The following FAM227B variants were observed in gnomAD, a reference collection of about 807,000 sequenced individuals.
FAM227B encodes the protein protein FAM227B.
FAM227B carries 88 observed loss-of-function variants against 73.8 expected under a neutral mutation model. The observed-to-expected ratio is 1.19, with a 90% CI of 1.00 to 1.42. FAM227B has a LOEUF of 1.42. Ranked by LOEUF, FAM227B falls within the 40% of genes most tolerant of loss-of-function variation. FAM227B has a pLI of 0.00. For synonymous variants in FAM227B, 210 were observed against 190.5 expected, an observed-to-expected ratio of 1.10 and a Z score of -0.84; for missense variants, 632 against 590.9, an observed-to-expected ratio of 1.07 and a Z score of -0.72.
At chr15:49,449,124 C>A (rs2052492379) in intron 11 of FAM227B, among the ~76,000 whole-genome samples, 1 of 151,916 alleles carries the variant, frequency 6.6e-6, no homozygotes, top group South Asian at 2.1e-4. Context: ...TTGAATGATA[C>A]CTTCAGTCTG....
intron 11 of FAM227B, among the ~76,000 whole-genome samples, chr15:49,414,748 G>A (rs969962921): frequency 1.3e-5 from 2 of 152,054 alleles, no homozygotes; most frequent in Non-Finnish European, 1.5e-5. Flanking sequence ...AGAAACAGGT[G>A]TAGAAGAAGT....
At chr15:49,620,143 A>G (rs547799939) in intron 1 of FAM227B, 20 of 152,240 alleles carry the variant, frequency 1.3e-4, no homozygotes, top group Non-Finnish European at 2.8e-4. Flanking sequence ...CCCAAGTCCG[A>G]AAAAGAAGCC....
At chr15:49,417,816 C>T (rs141250268) in intron 11 of FAM227B, among the ~76,000 whole-genome samples, 14 of 152,208 alleles carry the variant, frequency 9.2e-5, no homozygotes, top group African/African-American at 3.4e-4. Context: ...CAAAAATTGA[C>T]AAATGGGATC....
chr15:49,367,549 C>T lies in FAM227B; in HGVS notation c.1170G>A (p.Gln390=). The T allele has an allele frequency of 6.2e-7, 1 of 1,606,250 alleles. No homozygotes were observed. The highest frequency in any genetic ancestry group is 1.1e-5 in the South Asian group (1 of 88,896). Residue 390 remains glutamine, a synonymous_variant, in exon 13 of 16, where the codon CAG becomes CAA. Transcript: ENST00000299338. ...FNRVLFNFGG[Q]SPLILYYLKM... ...TAAGATAATATAAAATCAATGGACT[C>T]TGACCTCCAAAATTGAAGAGAACAC...
intron 11 of FAM227B, chr15:49,485,295 CT>C (rs35073573): frequency 6.6e-6 from 1 of 152,176 alleles, no homozygotes; most frequent in Non-Finnish European, 1.5e-5. Context: ...ATTGAGAAAT[CT>C]TTAAGTTTTT....
intron 13 of FAM227B, chr15:49,344,394 G>T (rs902664708): frequency 6.6e-6 from 1 of 152,010 alleles, no homozygotes; most frequent in African/African-American, 2.4e-5. Context: ...GTTTGCAAAA[G>T]GTTACACTGA....
Position 49,584,377 on chromosome 15 carries a change from A to G in FAM227B, c.405+3639T>C, listed in dbSNP as rs571647928. Among the ~76,000 whole-genome samples, 4 of 152,320 alleles carry G rather than the reference A, an allele frequency of 2.6e-5. 1 individual carries two copies. The South Asian group carries it at 8.3e-4, about 32-fold the overall frequency. On this transcript the variant is annotated intron_variant, in intron 5 of 15. Transcript: ENST00000299338. ...AAGGTACATACCTCAAAATAATAAC[A>G]GCCAACTATGACAAACTTACAGCCA...
chr15:49,390,236 T>A (rs1036869294), intron 11 of FAM227B, among the ~76,000 whole-genome samples: 21 of 151,850 alleles, frequency 1.4e-4, no homozygotes, highest in African/African-American at 4.8e-4. Context: ...TGAGATGAAG[T>A]CTCCTTTGGC....
intron 11 of FAM227B, among the ~76,000 whole-genome samples, chr15:49,413,845 T>C (rs975167865): frequency 3.3e-5 from 5 of 151,436 alleles, no homozygotes; most frequent in Admixed American, 1.3e-4. Context: ...ACTTTTGCTC[T>C]TGTTACCTTT....
At chr15:49,391,146 T>C (rs2047189631) in intron 11 of FAM227B, among the ~76,000 whole-genome samples, 1 of 152,118 alleles carries the variant, frequency 6.6e-6, no homozygotes, top group African/African-American at 2.4e-5. Flanking sequence ...CATGAGGAGA[T>C]AGATCAAATT....
intron 10 of FAM227B, among the ~76,000 whole-genome samples, chr15:49,535,837 A>C (rs1409418613): frequency 6.6e-6 from 1 of 151,834 alleles, no homozygotes; most frequent in Non-Finnish European, 1.5e-5. Context: ...AATTGATGCA[A>C]AAAAAGCATT....
Position 49,545,278 on chromosome 15 carries a change from G to A in FAM227B, c.748-3472C>T, listed in dbSNP as rs575535191. On this transcript the variant is annotated intron_variant, in intron 9 of 15. Coordinates refer to ENST00000299338, the MANE Select transcript of FAM227B (RefSeq NM_152647.3). ...CCATCTCCTGTAGATTTTGTAATTT[G>A]TGTGCATAAAGGTGTTCATAGTAGC... 3.9e-5 allele frequency among the ~76,000 whole-genome samples: 6 copies of A among 152,084 alleles called. No homozygotes were observed. The South Asian group carries it at 8.3e-4, about 21-fold the overall frequency.
At chr15:49,578,353 C>T (rs1461545222) in intron 5 of FAM227B, among the ~76,000 whole-genome samples, 1 of 152,106 alleles carries the variant, frequency 6.6e-6, no homozygotes, top group Non-Finnish European at 1.5e-5. Flanking sequence ...AATTGGGTGG[C>T]ATATTTTAAT....
intron 14 of FAM227B, among the ~76,000 whole-genome samples, chr15:49,335,084 G>A (rs1172436294): frequency 6.6e-6 from 1 of 152,130 alleles, no homozygotes; most frequent in Admixed American, 6.5e-5. Flanking sequence ...TCCACTGCAG[G>A]GAATTTTTCT....
chr15:49,407,896 T>C (rs1247675290), intron 11 of FAM227B, among the ~76,000 whole-genome samples: 2 of 152,144 alleles, frequency 1.3e-5, no homozygotes, highest in South Asian at 2.1e-4. Flanking sequence ...TCTGTACCTA[T>C]AGTTTTTGCC....
At chr15:49,358,863 C>T (rs1398126110) in intron 13 of FAM227B, among the ~76,000 whole-genome samples, 1 of 151,034 alleles carries the variant, frequency 6.6e-6, no homozygotes, top group African/African-American at 2.4e-5. Context: ...GTAACCAAAA[C>T]AGCATGGTAC....
intron 7 of FAM227B, chr15:49,576,273 G>A (rs986421745): frequency 3.9e-5 from 6 of 152,418 alleles, no homozygotes; most frequent in African/African-American, 9.7e-5. Flanking sequence ...CGTATTCACT[G>A]GCTATTGATC....
chr15:49,505,832 A>G (rs1452172540), intron 11 of FAM227B, among the ~76,000 whole-genome samples: 2 of 152,034 alleles, frequency 1.3e-5, no homozygotes, highest in Admixed American at 1.3e-4. Context: ...TAACACTTCA[A>G]ATTAAAGTGA....
intron 3 of FAM227B, among the ~76,000 whole-genome samples, chr15:49,598,241 TG>T (rs1202988929): frequency 6.6e-6 from 1 of 151,980 alleles, no homozygotes; most frequent in East Asian, 1.9e-4. Flanking sequence ...TAAAAGAGAT[TG>T]TTTTCTTGAT....
Sources: gnomAD v4.1 joint callset for allele counts (sites outside exome capture counted in the v4.1 genomes callset) on GRCh38, gnomAD v4.1.1 for gene constraint, MANE v1.5 for transcripts, NCBI Gene and HGNC (gene_info 2026-07-23, HGNC 2026-07-21) for gene names.